ROBO2: variants seen among roughly 807,000 people sequenced by gnomAD.
ROBO2 encodes roundabout homolog 2.
Under a neutral mutation model 160.8 loss-of-function variants are expected in ROBO2, and 53 were observed. That is an observed-to-expected ratio of 0.33 (90% confidence interval 0.26 to 0.41). ROBO2 has a LOEUF of 0.41. ROBO2 is among the 10% of genes least tolerant of loss of function. The probability of loss-of-function intolerance (pLI) is 1.00; values close to 1 mark genes in which losing one functional copy is unlikely to be tolerated. For synonymous variants in ROBO2, 664 were observed against 611.7 expected, an observed-to-expected ratio of 1.09 and a Z score of -1.26; for missense variants, 1,577 against 1,722.4, an observed-to-expected ratio of 0.92 and a Z score of 1.49.
intron 17 of ROBO2, among the ~76,000 whole-genome samples, chr3:77,594,452 G>C (rs1011319739): frequency 6.6e-6 from 1 of 152,084 alleles, no homozygotes; most frequent in Non-Finnish European, 1.5e-5. Context: ...CTGTGGCTCT[G>C]GTGGATGCTT....
At chr3:76,326,723 C>T (rs2073057775) in intron 2 of ROBO2, among the ~76,000 whole-genome samples, 1 of 150,108 alleles carries the variant, frequency 6.7e-6, no homozygotes, top group African/African-American at 2.4e-5. Flanking sequence ...CACCCACTAA[C>T]TCGTCATCTA....
exon 25 of ROBO2, chr3:77,644,751 G>A (rs754176843): frequency 1.2e-6 from 2 of 1,613,888 alleles, no homozygotes; most frequent in Non-Finnish European, 1.7e-6. Flanking sequence ...ATCTCCAGGT[G>A]GCCACAGCTC....
At chr3:77,586,835 A>G (rs1003409841) in intron 16 of ROBO2, among the ~76,000 whole-genome samples, 1 of 148,504 alleles carries the variant, frequency 6.7e-6, no homozygotes, top group African/African-American at 2.4e-5. Context: ...TAATAATTAT[A>G]TGTATAATAA....
chr3:76,033,870 G>A (rs1354709770), intron 2 of ROBO2, among the ~76,000 whole-genome samples: 9 of 152,216 alleles, frequency 5.9e-5, no homozygotes, highest in East Asian at 1.9e-4. Flanking sequence ...CCGTCTCTCC[G>A]TGTGGTTACC....
At chr3:76,466,711 T>C (rs761935595) in intron 2 of ROBO2, among the ~76,000 whole-genome samples, 4 of 152,020 alleles carry the variant, frequency 2.6e-5, no homozygotes, top group Non-Finnish European at 4.4e-5. Flanking sequence ...AGAATGTGTG[T>C]CTTAGATACA....
chr3:77,073,516 A>G (rs945479918), intron 1 of ROBO2, among the ~76,000 whole-genome samples: 2 of 152,198 alleles, frequency 1.3e-5, no homozygotes, highest in African/African-American at 4.8e-5. Context: ...GATTAATTTG[A>G]AGGTAAAGTA....
intron 2 of ROBO2, among the ~76,000 whole-genome samples, chr3:77,410,041 T>C (rs2076578893): frequency 6.6e-6 from 1 of 152,328 alleles, no homozygotes; most frequent in Non-Finnish European, 1.5e-5. Flanking sequence ...ATCTCCTAAG[T>C]GATCAGTAAA....
chr3:76,436,159 AACACACAC>A (rs3065704), intron 2 of ROBO2, among the ~76,000 whole-genome samples: 1 of 140,520 alleles, frequency 7.1e-6, no homozygotes, highest in Non-Finnish European at 1.5e-5. Context: ...TTAAAAGGAA[AACACACAC>A]ACACACACAC....
chr3:77,252,837 T>A lies in ROBO2; in HGVS notation c.388+154497T>A, dbSNP rs866435079. On this transcript the variant is annotated intron_variant, in intron 2 of 25. Coordinates refer to ENST00000461745, the Ensembl canonical transcript of ROBO2. ...AAAAAAAAAAAAAAAAAAAAATATATATATATATATATATGAAAAATAAAC... is the reference window on the plus strand; with the variant it reads ...AAAAAAAAAAAAAAAAAAAAATATAAATATATATATATATGAAAAATAAAC... Among the ~76,000 whole-genome samples, 473 of 98,664 alleles carry A rather than the reference T, an allele frequency of 4.8e-3. 7 individuals are homozygous for A. Among genetic ancestry groups the A allele is most frequent in the African/African-American group, 0.018 (414 of 23,424 alleles). The allele number at this position is 98,664 out of a possible 152,430, so 64.7% of individuals were successfully genotyped here. A position where few individuals can be genotyped will look rare whatever the true frequency, so the allele number is the denominator to read the frequency against.
chr3:76,089,070 C>T (rs2069127385), intron 2 of ROBO2, among the ~76,000 whole-genome samples: 1 of 151,946 alleles, frequency 6.6e-6, no homozygotes, highest in Admixed American at 6.6e-5. Context: ...TCTATGCTTC[C>T]AAATTGGGTA....
intron 2 of ROBO2, among the ~76,000 whole-genome samples, chr3:76,628,883 T>C (rs2089844476): frequency 6.6e-6 from 1 of 152,232 alleles, no homozygotes; most frequent in Non-Finnish European, 1.5e-5. Context: ...TATAGTCAAT[T>C]ATGTATCTAA....
At chr3:76,392,796 G>T (rs1052369136) in intron 2 of ROBO2, among the ~76,000 whole-genome samples, 9 of 151,822 alleles carry the variant, frequency 5.9e-5, no homozygotes, top group African/African-American at 9.7e-5. Flanking sequence ...ATATAGGCTG[G>T]GATAAAAATC....
At chr3:77,471,418 T>C (rs1403490778) in intron 2 of ROBO2, among the ~76,000 whole-genome samples, 1 of 152,196 alleles carries the variant, frequency 6.6e-6, no homozygotes, top group Middle Eastern at 3.2e-3. Flanking sequence ...AACAAATTAC[T>C]ACAAAATTCA....
At chr3:77,019,323 G>A (rs999854166) in intron 2 of ROBO2, among the ~76,000 whole-genome samples, 1 of 152,120 alleles carries the variant, frequency 6.6e-6, no homozygotes, top group African/African-American at 2.4e-5. Flanking sequence ...AGGCAGCTCT[G>A]TGTGGCCTCT....
chr3:76,805,255 C>A (rs1212609451), intron 2 of ROBO2, among the ~76,000 whole-genome samples: 1 of 151,954 alleles, frequency 6.6e-6, no homozygotes, highest in African/African-American at 2.4e-5. Context: ...GCTTTTTCTG[C>A]TCTACTTCAC....
At chr3:77,438,264 G>T (rs11924656) in intron 2 of ROBO2, among the ~76,000 whole-genome samples, 42,313 of 151,430 alleles carry the variant, frequency 0.28, 6,611 homozygotes, top group Non-Finnish European at 0.35. Flanking sequence ...TGACAGAGTT[G>T]ACCTCTGAGA....
At chr3:76,375,390 CAAAT>C (rs1165824094) in intron 2 of ROBO2, among the ~76,000 whole-genome samples, 1 of 151,922 alleles carries the variant, frequency 6.6e-6, no homozygotes, top group Non-Finnish European at 1.5e-5. Flanking sequence ...ACTAACTACT[CAAAT>C]AATCTTGAGT....
At chr3:77,477,206 G>A (rs564313938) in intron 2 of ROBO2, among the ~76,000 whole-genome samples, 1 of 151,988 alleles carries the variant, frequency 6.6e-6, no homozygotes, top group Non-Finnish European at 1.5e-5. Context: ...TTGACCAAAG[G>A]TGCATGATAA....
At chr3:77,005,830 T>A (rs1448206116) in intron 2 of ROBO2, among the ~76,000 whole-genome samples, 1 of 152,216 alleles carries the variant, frequency 6.6e-6, no homozygotes. Context: ...AGTGTTCTAG[T>A]CTGAATTGTG....
Sources: allele counts gnomAD v4.1 joint callset (sites outside exome capture counted in the v4.1 genomes callset), GRCh38; gene constraint gnomAD v4.1.1; transcripts MANE v1.5; gene names NCBI Gene and HGNC (gene_info 2026-07-23, HGNC 2026-07-21).